Variants in GPR143 observed in about 807,000 individuals in gnomAD.
GPR143 encodes G-protein coupled receptor 143.
A neutral mutation model predicts 27.6 loss-of-function variants in GPR143; 8 were observed. That is an observed-to-expected ratio of 0.29 (90% CI 0.17 to 0.52). The LOEUF is 0.52. Ranked by LOEUF, GPR143 falls within the 20% of genes least tolerant of loss-of-function variation. The pLI is 0.96. For missense variants in GPR143, 303 were observed against 343.1 expected, an observed-to-expected ratio of 0.88 and a Z score of 0.92; for synonymous variants, 156 against 153.2, an observed-to-expected ratio of 1.02 and a Z score of -0.13.
upstream of GPR143, among the ~76,000 whole-genome samples, chrX:9,771,170 C>T (rs765119603): frequency 4.1e-4 from 46 of 111,013 alleles, no homozygotes; most frequent in Non-Finnish European, 6.6e-4. Context: ...GCAGTCCTCC[C>T]GCCTCAGCCT....
chrX:9,742,731 C>T (rs370386783), intron 6 of GPR143, among the ~76,000 whole-genome samples: 2 of 111,950 alleles, frequency 1.8e-5, no homozygotes, highest in South Asian at 3.7e-4. Flanking sequence ...GTTCTCCAAC[C>T]TTCTTGACCA....
chrX:9,751,613 T>C (rs1444145568), intron 3 of GPR143, among the ~76,000 whole-genome samples: 1 of 112,557 alleles, frequency 8.9e-6, no homozygotes, highest in Non-Finnish European at 1.9e-5. Flanking sequence ...TGTGTGATTG[T>C]GCAGACATGG....
At chrX:9,778,042 G>T (rs1271582457) in intron 1 of GPR143, among the ~76,000 whole-genome samples, 2 of 110,746 alleles carry the variant, frequency 1.8e-5, no homozygotes, top group Non-Finnish European at 3.8e-5. Context: ...AGTGAGCTGA[G>T]ATCGCGCCAC....
At chrX:9,774,806 G>A (rs1443319296) in intron 1 of GPR143, among the ~76,000 whole-genome samples, 12 of 111,936 alleles carry the variant, frequency 1.1e-4, no homozygotes, top group Non-Finnish European at 3.8e-5. Flanking sequence ...TCTCCTCCCA[G>A]GGGAATTTGG....
intron 8 of GPR143, among the ~76,000 whole-genome samples, chrX:9,728,639 TAAAAAAAAAAAAAAAAAA>T (rs57462205): frequency 5.2e-5 from 1 of 19,219 alleles, no homozygotes; most frequent in Non-Finnish European, 1.1e-4. Context: ...CCCTATCTCT[TAAAAAAAAAAAAAAAAAA>T]AAAAAAAAAA....
chrX:9,729,901 G>A (rs150872458), intron 8 of GPR143, among the ~76,000 whole-genome samples: 2,886 of 112,105 alleles, frequency 0.026, 38 homozygotes, highest in Non-Finnish European at 0.041. Flanking sequence ...TAACCTTTTG[G>A]TCAACAACAT....
chrX:9,748,099 A>G (rs938619675), intron 4 of GPR143: 11 of 140,743 alleles, frequency 7.8e-5, no homozygotes, highest in Non-Finnish European at 9.9e-5. Flanking sequence ...AAGAGAAGTG[A>G]GAAAGCGTAG....
chrX:9,744,555 A>G (rs1223600610), intron 5 of GPR143, among the ~76,000 whole-genome samples: 3 of 110,455 alleles, frequency 2.7e-5, no homozygotes, highest in Non-Finnish European at 1.9e-5. Flanking sequence ...AAATGCAAAA[A>G]TTAGCTGGCT....
At chrX:9,732,104 T>G (rs1008821353) in intron 8 of GPR143, among the ~76,000 whole-genome samples, 10 of 111,801 alleles carry the variant, frequency 8.9e-5, no homozygotes, top group Non-Finnish European at 1.7e-4. Flanking sequence ...CAAAGATTAT[T>G]GGATAAATGG....
upstream of GPR143, among the ~76,000 whole-genome samples, chrX:9,767,678 C>T (rs2083540618): frequency 8.9e-6 from 1 of 112,275 alleles, no homozygotes; most frequent in South Asian, 3.7e-4. Context: ...TCAGAACAGA[C>T]TGACATCTTC....
intron 8 of GPR143, among the ~76,000 whole-genome samples, chrX:9,738,808 C>T (rs1452258476): frequency 1.8e-5 from 2 of 111,535 alleles, no homozygotes; most frequent in African/African-American, 3.3e-5. Flanking sequence ...TTTTTCGTAG[C>T]GACGGGTTTT....
Position 9,764,748 on chromosome X carries a change from C to T in GPR143, c.250+820G>A, listed in dbSNP as rs775008708. Among the ~76,000 whole-genome samples, 241 of 111,642 alleles carry T rather than the reference C, an allele frequency of 2.2e-3. 2 individuals carry two copies. Among genetic ancestry groups the T allele is most frequent in the Middle Eastern group, 4.6e-3 (1 of 218 alleles). On this transcript the variant is annotated intron_variant, in intron 1 of 8. Transcript: ENST00000467482. Reference sequence around the variant, plus strand: ...GTGTTTGCAAAACTACCTAGTCGGCCGGGCGCGGTGGCTTACGCCTGTAAT... The same window carrying T: ...GTGTTTGCAAAACTACCTAGTCGGCTGGGCGCGGTGGCTTACGCCTGTAAT...
upstream of GPR143, among the ~76,000 whole-genome samples, chrX:9,767,559 G>A (rs1017988952): frequency 1.8e-5 from 2 of 109,551 alleles, no homozygotes; most frequent in South Asian, 3.8e-4. Flanking sequence ...GACAGGAAGC[G>A]GAGCCTTATT....
chrX:9,767,474 C>T (rs907395470), upstream of GPR143, among the ~76,000 whole-genome samples: 3 of 110,318 alleles, frequency 2.7e-5, no homozygotes, highest in Non-Finnish European at 5.7e-5. Flanking sequence ...TGATCTGTGC[C>T]GTCTTCCTCT....
rs771486573 is a variant in GPR143 at position 9,759,323 on chromosome X, G to A, written c.455+9C>T. On this transcript the variant is annotated intron_variant, in intron 3 of 8. Transcript: ENST00000467482. Reference sequence around the variant, plus strand: ...ACTAGGGCAGAAATCCCATTTCCTCGGTGAATACCTCAGTCCTGCCGATCT... The same window carrying A: ...ACTAGGGCAGAAATCCCATTTCCTCAGTGAATACCTCAGTCCTGCCGATCT... 25 of 1,102,740 alleles carry A rather than the reference G, an allele frequency of 2.3e-5. No homozygotes were observed. Among genetic ancestry groups the A allele is most frequent in the East Asian group, 9.2e-5 (3 of 32,457 alleles). 90.9% of individuals were successfully genotyped at this position (1,102,740 alleles called of 1,213,427 possible). A position where few individuals can be genotyped will look rare whatever the true frequency, so the allele number is the denominator to read the frequency against.
intron 3 of GPR143, among the ~76,000 whole-genome samples, chrX:9,753,827 C>T (rs951771253): frequency 2.7e-5 from 3 of 112,203 alleles, no homozygotes; most frequent in African/African-American, 9.7e-5. Context: ...TCTGCAGAAA[C>T]AGCAGCTACT....
intron 8 of GPR143, among the ~76,000 whole-genome samples, chrX:9,734,569 C>T (rs1402432226): frequency 8.9e-6 from 1 of 112,158 alleles, no homozygotes; most frequent in Non-Finnish European, 1.9e-5. Flanking sequence ...TAACCACGAC[C>T]CCTCCACTCC....
intron 3 of GPR143, among the ~76,000 whole-genome samples, chrX:9,751,780 C>T (rs1055427506): frequency 2.7e-5 from 3 of 112,611 alleles, no homozygotes; most frequent in Non-Finnish European, 5.6e-5. Context: ...ATTTAAGTTA[C>T]GTCTCAACTA....
At chrX:9,731,457 C>T (rs6530311) in intron 8 of GPR143, among the ~76,000 whole-genome samples, 39,570 of 108,334 alleles carry the variant, frequency 0.37, 7,872 homozygotes, top group African/African-American at 0.74. Flanking sequence ...TGGAAAAGTG[C>T]GGAAGGGAAC....
Sources: allele counts gnomAD v4.1 joint callset (sites outside exome capture counted in the v4.1 genomes callset), GRCh38; gene constraint gnomAD v4.1.1; transcripts MANE v1.5; gene names NCBI Gene and HGNC (gene_info 2026-07-23, HGNC 2026-07-21).